The following KCNIP4 variants were observed in gnomAD, a reference collection of about 807,000 sequenced individuals.
KCNIP4 encodes the protein Kv channel-interacting protein 4.
A neutral mutation model predicts 34.0 loss-of-function variants in KCNIP4; 12 were observed. That is an observed-to-expected ratio of 0.35 (90% confidence interval 0.23 to 0.57). The LOEUF (loss-of-function observed/expected upper bound fraction) is 0.57. Ranked by LOEUF, KCNIP4 falls within the 20% of genes least tolerant of loss-of-function variation. The pLI, the probability that KCNIP4 is intolerant of heterozygous loss-of-function variation, is 0.83. For missense variants in KCNIP4, 238 were observed against 311.7 expected (o/e 0.76, Z 1.78); for synonymous variants, 124 against 102.2 (o/e 1.21, Z -1.29).
At chr4:21,106,665 T>C (rs1431126056) in intron 1 of KCNIP4, among the ~76,000 whole-genome samples, 1 of 151,566 alleles carries the variant, frequency 6.6e-6, no homozygotes, top group Non-Finnish European at 1.5e-5. Flanking sequence ...GCTCTTGCTT[T>C]TCTAGTTCTT....
chr4:21,894,796 T>C (rs1239092714), intron 1 of KCNIP4, among the ~76,000 whole-genome samples: 1 of 152,222 alleles, frequency 6.6e-6, no homozygotes, highest in Non-Finnish European at 1.5e-5. Context: ...TTTAATCTTT[T>C]ACACAAGGCA....
At chr4:21,819,654 G>T (rs1024945527) in intron 1 of KCNIP4, among the ~76,000 whole-genome samples, 2 of 152,100 alleles carry the variant, frequency 1.3e-5, no homozygotes, top group Non-Finnish European at 2.9e-5. Context: ...AGGAAATAAT[G>T]ATTTTTATTT....
chr4:21,608,076 CTTTA>C (rs1470152687), intron 1 of KCNIP4, among the ~76,000 whole-genome samples: 1 of 151,594 alleles, frequency 6.6e-6, no homozygotes, highest in Non-Finnish European at 1.5e-5. Flanking sequence ...CTCTTAAAGG[CTTTA>C]TTGTTTTGTT....
At chr4:21,600,326 T>G (rs1454141444) in intron 1 of KCNIP4, among the ~76,000 whole-genome samples, 1 of 152,112 alleles carries the variant, frequency 6.6e-6, no homozygotes, top group Admixed American at 6.6e-5. Context: ...ACTGACATTA[T>G]TAAGATTTTA....
At chr4:21,109,288 A>C (rs1748912829) in intron 1 of KCNIP4, among the ~76,000 whole-genome samples, 1 of 152,186 alleles carries the variant, frequency 6.6e-6, no homozygotes, top group Admixed American at 6.5e-5. Context: ...TGTTTACCTA[A>C]GCAAGCCTAG....
chr4:21,858,756 A>C (rs1724899011), intron 1 of KCNIP4, among the ~76,000 whole-genome samples: 1 of 152,252 alleles, frequency 6.6e-6, no homozygotes, highest in Admixed American at 6.5e-5. Flanking sequence ...TTTCTCATAA[A>C]TCAAAATCAA....
chr4:21,545,323 C>CA (rs1738049800), intron 1 of KCNIP4, among the ~76,000 whole-genome samples: 1 of 152,096 alleles, frequency 6.6e-6, no homozygotes. Flanking sequence ...TAAAAAAGGG[C>CA]AATCAGCAGC....
At chr4:20,870,761 A>T (rs913669857) in intron 2 of KCNIP4, among the ~76,000 whole-genome samples, 14 of 152,100 alleles carry the variant, frequency 9.2e-5, no homozygotes, top group African/African-American at 3.4e-4. Flanking sequence ...CTCCCACACA[A>T]CTTATGATTT....
chr4:20,762,717 G>T (rs966774916), intron 3 of KCNIP4, among the ~76,000 whole-genome samples: 2 of 152,176 alleles, frequency 1.3e-5, no homozygotes, highest in African/African-American at 4.8e-5. Flanking sequence ...TAATCAAAAT[G>T]CTTGGGAACA....
intron 5 of KCNIP4, among the ~76,000 whole-genome samples, chr4:20,738,287 GTAA>G (rs1380804404): frequency 1.3e-5 from 2 of 152,296 alleles, no homozygotes; most frequent in African/African-American, 2.4e-5. Flanking sequence ...TCACAGCGTA[GTAA>G]TAATATGTCA....
At chr4:21,755,355 AT>A (rs1025643277) in intron 1 of KCNIP4, among the ~76,000 whole-genome samples, 2 of 152,224 alleles carry the variant, frequency 1.3e-5, no homozygotes, top group Non-Finnish European at 2.9e-5. Context: ...TGAATGACTC[AT>A]TTAGTTACTT....
intron 1 of KCNIP4, among the ~76,000 whole-genome samples, chr4:20,920,844 C>T (rs1729326938): frequency 2.0e-5 from 3 of 152,096 alleles, no homozygotes; most frequent in Non-Finnish European, 4.4e-5. Flanking sequence ...ACAAAGTAAG[C>T]CAGGTGTGGT....
intron 1 of KCNIP4, among the ~76,000 whole-genome samples, chr4:21,328,546 T>C (rs1467389001): frequency 6.6e-6 from 1 of 152,184 alleles, no homozygotes; most frequent in African/African-American, 2.4e-5. Context: ...TGGTGCCTTA[T>C]TTACTTTGCC....
At chr4:20,774,679 TGA>T (rs1413699608) in intron 3 of KCNIP4, among the ~76,000 whole-genome samples, 1 of 152,128 alleles carries the variant, frequency 6.6e-6, no homozygotes, top group Non-Finnish European at 1.5e-5. Context: ...AAGACTTCCC[TGA>T]GGATGTGACA....
chr4:21,369,252 A>G (rs1252330999), intron 1 of KCNIP4, among the ~76,000 whole-genome samples: 1 of 147,464 alleles, frequency 6.8e-6, no homozygotes, highest in Non-Finnish European at 1.5e-5. Flanking sequence ...GATGGTTATC[A>G]ATATTAACAT....
intron 1 of KCNIP4, among the ~76,000 whole-genome samples, chr4:21,450,671 G>A (rs1728444976): frequency 1.3e-5 from 2 of 152,106 alleles, no homozygotes; most frequent in African/African-American, 4.8e-5. Context: ...CGGTTAGCAC[G>A]CTAAATTGGA....
At chr4:21,538,370 G>A (rs1296640768) in intron 1 of KCNIP4, among the ~76,000 whole-genome samples, 1 of 152,156 alleles carries the variant, frequency 6.6e-6, no homozygotes, top group South Asian at 2.1e-4. Context: ...CATGCAAGGT[G>A]CTATGCTCAG....
At chr4:21,371,452 A>G (rs1720441342) in intron 1 of KCNIP4, among the ~76,000 whole-genome samples, 1 of 146,964 alleles carries the variant, frequency 6.8e-6, no homozygotes, top group Non-Finnish European at 1.5e-5. Flanking sequence ...CTCTGGAATC[A>G]ATCTGCTTAC....
At chr4:20,782,286 G>T (rs1327609024) in intron 3 of KCNIP4, among the ~76,000 whole-genome samples, 2 of 152,232 alleles carry the variant, frequency 1.3e-5, no homozygotes, top group African/African-American at 4.8e-5. Context: ...TACAGCTGGG[G>T]TCTGGAGGAT....
Sources: allele counts gnomAD v4.1 joint callset (sites outside exome capture counted in the v4.1 genomes callset), GRCh38; gene constraint gnomAD v4.1.1; transcripts MANE v1.5; gene names NCBI Gene and HGNC (gene_info 2026-07-23, HGNC 2026-07-21).